The following TUBE1 variants were observed in gnomAD, a reference collection of about 807,000 sequenced individuals.
TUBE1 encodes tubulin epsilon 1.
In TUBE1, 34 loss-of-function variants were observed where a neutral mutation model predicts 53.5. The observed-to-expected ratio is 0.64, with a 90% confidence interval of 0.48 to 0.85. The LOEUF is 0.85. Among genes scored for constraint, TUBE1 ranks in the 40% least tolerant of loss-of-function variants. The pLI is 0.00. For missense variants in TUBE1, 532 were observed against 570.5 expected, an observed-to-expected ratio of 0.93 and a Z score of 0.69; for synonymous variants, 177 against 198.4, an observed-to-expected ratio of 0.89 and a Z score of 0.91.
intron 3 of TUBE1, chr6:112,085,379 G>T (rs587667393): frequency 9.3e-6 from 2 of 215,132 alleles, no homozygotes; most frequent in Non-Finnish European, 1.9e-5. Flanking sequence ...AACACACAGA[G>T]TAGATGAGAG....
rs1554315809 is a variant in TUBE1, at chr6:112,074,865, T to C, written c.813-15A>G. 1 of 1,546,036 alleles carries C rather than the reference T, an allele frequency of 6.5e-7. No individual in the cohort carries two copies. The highest frequency in any genetic ancestry group is 2.2e-5 in the Admixed American group (1 of 46,412). On this transcript the variant is annotated splice_polypyrimidine_tract_variant and intron_variant, in intron 8 of 11. Coordinates refer to ENST00000368662, the MANE Select transcript of TUBE1 (RefSeq NM_016262.5). Reference sequence around the variant, plus strand: ...ATCTTGCAGAGCTAAAAAGTTAACATTAAAATGAGAAAATTTTTAATTTTA... The same window carrying C: ...ATCTTGCAGAGCTAAAAAGTTAACACTAAAATGAGAAAATTTTTAATTTTA...
intron 3 of TUBE1, among the ~76,000 whole-genome samples, chr6:112,085,903 G>A (rs373329679): frequency 4.6e-5 from 7 of 152,124 alleles, no homozygotes; most frequent in Non-Finnish European, 8.8e-5. Flanking sequence ...CAGGAAGCGC[G>A]GACTAATCAG....
intron 3 of TUBE1, among the ~76,000 whole-genome samples, chr6:112,084,986 C>T (rs1777125680): frequency 6.6e-6 from 1 of 152,184 alleles, no homozygotes; most frequent in African/African-American, 2.4e-5. Context: ...TGCCTGTTTT[C>T]CTAAATAAAA....
At chr6:112,078,019 T>G (rs2114484954) in intron 6 of TUBE1, 1 of 152,156 alleles carries the variant, frequency 6.6e-6, no homozygotes, top group African/African-American at 2.4e-5. Context: ...TGCTCAACCT[T>G]TCTTCTAATT....
In TUBE1 at chr6:112,079,790, C is replaced by T. The variant is rs180677249; in HGVS notation, c.327-36G>A. On this transcript the variant is annotated intron_variant, in intron 5 of 11. Coordinates refer to ENST00000368662, the MANE Select transcript of TUBE1 (RefSeq NM_016262.5). The stretch of plus-strand genomic sequence containing the variant: ...GAATATGGATTTTAAAAATTCCTTG[C>T]ATTTATTTTTTTATTTGATTAGTTC... The T allele has an allele frequency of 5.9e-5, 93 of 1,579,486 alleles. 1 individual carries two copies. The Admixed American group carries it at 1.5e-3, about 25-fold the overall frequency.
Position 112,072,701 on chromosome 6 carries a change from T to C in TUBE1, c.1094+57A>G, listed in dbSNP as rs1484158358. ...TGAAGGGCGGCTGTTAACTAACTAC[T>C]ATGCCACACTGTCCCAAGCAGCACA... On this transcript the variant is annotated intron_variant, in intron 10 of 11. Transcript: ENST00000368662. 13 of 1,561,618 alleles carry C rather than the reference T, an allele frequency of 8.3e-6. No individual in the cohort carries two copies. The Admixed American group carries it at 1.2e-4, about 15-fold the overall frequency.
intron 4 of TUBE1, among the ~76,000 whole-genome samples, chr6:112,083,116 C>A (rs1554316929): frequency 6.6e-6 from 1 of 151,920 alleles, no homozygotes; most frequent in Admixed American, 6.6e-5. Context: ...GGGATACCTG[C>A]TCTCTCTACA....
At chr6:112,081,256 T>A in intron 4 of TUBE1, 49 bp from the exon 5 acceptor site, 2 of 1,048,704 alleles carry the variant, frequency 1.9e-6, no homozygotes, top group Non-Finnish European at 2.8e-6. Flanking sequence ...TTTAGAGTTA[T>A]TCACTCTGTA....
At chr6:112,072,673 A>G in intron 10 of TUBE1, 85 bp downstream of exon 10, 1 of 1,447,754 alleles carries the variant, frequency 6.9e-7, no homozygotes, top group Non-Finnish European at 9.3e-7. Context: ...CACTGCTAGA[A>G]TTTGAAGGGC....
chr6:112,072,999 A>ATAT, intron 9 of TUBE1, 101 bp from the exon 10 acceptor site: 1 of 918,354 alleles, frequency 1.1e-6, no homozygotes, highest in Non-Finnish European at 1.6e-6. Flanking sequence ...ACCACACTAA[A>ATAT]TATTACACTA....
At chr6:112,073,769 A>G (rs1776907763) in intron 9 of TUBE1, among the ~76,000 whole-genome samples, 1 of 152,200 alleles carries the variant, frequency 6.6e-6, no homozygotes, top group Admixed American at 6.5e-5. Flanking sequence ...ACTTTTAAAA[A>G]ATTATTTTCA....
intron 8 of TUBE1, 28 bp from the exon 9 acceptor site, chr6:112,074,878 AT>A: frequency 6.7e-7 from 1 of 1,499,994 alleles, no homozygotes; most frequent in Non-Finnish European, 8.9e-7. Flanking sequence ...AAATGAGAAA[AT>A]TTTTAATTTT....
At chr6:112,080,069 G>A (rs1392220428) in intron 5 of TUBE1, among the ~76,000 whole-genome samples, 1 of 151,964 alleles carries the variant, frequency 6.6e-6, no homozygotes, top group African/African-American at 2.4e-5. Flanking sequence ...CAAGATTGCA[G>A]TTACATAATT....
At chr6:112,072,213 T>TA in intron 10 of TUBE1, 137 bp from the exon 11 acceptor site, 1 of 607,822 alleles carries the variant, frequency 1.6e-6, no homozygotes, top group Non-Finnish European at 2.7e-6. Context: ...GACGCTAAGT[T>TA]ATCTATTTTT....
At position 112,075,064 on chromosome 6, in the gene TUBE1, CTTTCTTTT is replaced by C. The variant is rs1445409464; in HGVS notation, c.813-222_813-215del. 898 of 165,296 alleles carry C rather than the reference CTTTCTTTT, an allele frequency of 5.4e-3. 9 individuals carry two copies. The highest frequency in any genetic ancestry group is 0.027 in the African/African-American group (841 of 30,754). 10.2% of individuals were successfully genotyped at this position (165,296 alleles called of 1,614,324 possible). A position where few individuals can be genotyped will look rare whatever the true frequency, so the allele number is the denominator to read the frequency against. On this transcript the variant is annotated intron_variant, in intron 8 of 11. Transcript: ENST00000368662. ...CACACAACATCTACATTTTTTTTTT[CTTTCTTTT>C]TTTTTTTTTTTTGAGACAGGGTCTC...
At chr6:112,081,023 A>C in intron 5 of TUBE1, 69 bp downstream of exon 5, 1 of 980,812 alleles carries the variant, frequency 1.0e-6, no homozygotes, top group Non-Finnish European at 1.6e-6. Flanking sequence ...TATCAGCAGA[A>C]TCTCACAATG....
chr6:112,072,150 A>AT, intron 10 of TUBE1, 74 bp from the exon 11 acceptor site: 2 of 1,144,686 alleles, frequency 1.7e-6, no homozygotes, highest in South Asian at 1.5e-5. Context: ...ATGGCAGCTC[A>AT]TATTAGTTAA....
chr6:112,080,056 A>G (rs1468042015), intron 5 of TUBE1, among the ~76,000 whole-genome samples: 1 of 152,044 alleles, frequency 6.6e-6, no homozygotes, highest in East Asian at 1.9e-4. Context: ...AATTCCAACA[A>G]AACAAGATTG....
chr6:112,074,713 C>G lies in TUBE1; in HGVS notation c.950G>C (p.Arg317Thr). Residue 317 changes from arginine (R) to threonine (T), a missense_variant, in exon 9 of 12, where the codon AGA (arginine) becomes ACA (threonine). Physicochemically the swap from Arg to Thr is moderately conservative, Grantham distance 71 (BLOSUM62 -1). Coordinates refer to ENST00000368662, the MANE Select transcript of TUBE1 (RefSeq NM_016262.5). Reference sequence around the variant, plus strand: ...TTGAAACAAAGTTACACCTTACCTTCTAGGAGGAATGTTAACATCTGTCAG... The same window carrying G: ...TTGAAACAAAGTTACACCTTACCTTGTAGGAGGAATGTTAACATCTGTCAG... ...YTLTDVNIPP[R>T]RLDQMFSDAF... 6.6e-7 allele frequency: 1 copy of G among 1,521,206 alleles called. No individual in the cohort carries two copies. Among genetic ancestry groups the G allele is most frequent in the Non-Finnish European group, 8.8e-7 (1 of 1,136,202 alleles). 94.2% of individuals were successfully genotyped at this position (1,521,206 alleles called of 1,614,324 possible).
Sources: allele counts gnomAD v4.1 joint callset (sites outside exome capture counted in the v4.1 genomes callset), GRCh38; gene constraint gnomAD v4.1.1; transcripts MANE v1.5; gene names NCBI Gene and HGNC (gene_info 2026-07-23, HGNC 2026-07-21).